The following FRMD5 variants were observed in gnomAD, a reference collection of about 807,000 sequenced individuals.
FRMD5 encodes FERM domain containing 5, also known as FERM domain-containing protein 5.
In FRMD5, 20 loss-of-function variants were observed where a neutral mutation model predicts 69.0. The ratio of observed to expected loss-of-function variants is 0.29; its 90% CI spans 0.20 to 0.42. FRMD5 has a LOEUF of 0.42. Ranked by LOEUF, FRMD5 falls within the 10% of genes least tolerant of loss-of-function variation. The pLI, the probability that FRMD5 is intolerant of heterozygous loss-of-function variation, is 1.00. For missense variants in FRMD5, 595 were observed against 708.6 expected (o/e 0.84, Z 1.82); for synonymous variants, 271 against 260.1 (o/e 1.04, Z -0.40).
chr15:44,031,249 G>A (rs547161941), intron 1 of FRMD5, among the ~76,000 whole-genome samples: 4 of 152,102 alleles, frequency 2.6e-5, no homozygotes, highest in African/African-American at 9.6e-5. Context: ...CTCTTCCACA[G>A]GGGAGAAAAA....
chr15:43,903,662 A>C (rs536285968), intron 6 of FRMD5, among the ~76,000 whole-genome samples: 258 of 152,326 alleles, frequency 1.7e-3, no homozygotes, highest in African/African-American at 5.9e-3. Flanking sequence ...TGTGGCAAGC[A>C]AAGGGCTGGC....
chr15:44,005,041 T>C (rs1299835421), intron 1 of FRMD5, among the ~76,000 whole-genome samples: 1 of 152,034 alleles, frequency 6.6e-6, no homozygotes, highest in Non-Finnish European at 1.5e-5. Context: ...CAAAGCCAAA[T>C]CCAGAGCAAG....
chr15:44,144,557 G>A (rs1035871404), intron 1 of FRMD5, among the ~76,000 whole-genome samples: 2 of 152,136 alleles, frequency 1.3e-5, no homozygotes, highest in Admixed American at 1.3e-4. Context: ...GGTCCCCAAA[G>A]GATCCTAGAA....
chr15:43,919,887 A>C lies in FRMD5; in HGVS notation c.208-78T>G, dbSNP rs1009592076. Reference sequence around the variant, plus strand: ...ATAACTTGTTTTCTCCAACTTAAAAAACTAGACAGATTGTAGCCTAGGGTG... The same window carrying C: ...ATAACTTGTTTTCTCCAACTTAAAACACTAGACAGATTGTAGCCTAGGGTG... On this transcript the variant is annotated intron_variant, in intron 2 of 13. Transcript: ENST00000417257. The C allele has an allele frequency of 6.8e-6, 9 of 1,320,866 alleles. No homozygotes were observed. In the East Asian group the frequency reaches 6.9e-5, roughly 10 times the overall value. The allele number at this position is 1,320,866 out of a possible 1,614,324, so 81.8% of individuals were successfully genotyped here.
At chr15:44,124,501 C>T (rs923125306) in intron 1 of FRMD5, among the ~76,000 whole-genome samples, 1 of 151,658 alleles carries the variant, frequency 6.6e-6, no homozygotes, top group African/African-American at 2.4e-5. Flanking sequence ...AGATCAAAAC[C>T]ATCCTGGCTA....
At chr15:44,006,992 A>G (rs1289209050) in intron 1 of FRMD5, among the ~76,000 whole-genome samples, 1 of 152,254 alleles carries the variant, frequency 6.6e-6, no homozygotes, top group Non-Finnish European at 1.5e-5. Context: ...GAAATCTTTC[A>G]TAAAAGGAAG....
chr15:44,151,220 AC>A (rs924014597), intron 1 of FRMD5, among the ~76,000 whole-genome samples: 17 of 151,352 alleles, frequency 1.1e-4, no homozygotes, highest in African/African-American at 3.6e-4. Context: ...CCATGATGAA[AC>A]CCCGTCTCTA....
chr15:43,926,252 T>G (rs886194104), intron 1 of FRMD5, among the ~76,000 whole-genome samples: 12 of 152,176 alleles, frequency 7.9e-5, no homozygotes, highest in Non-Finnish European at 1.6e-4. Context: ...TGTCAAAACA[T>G]CTGGAGCCTG....
chr15:44,079,811 G>T (rs141678708), intron 1 of FRMD5, among the ~76,000 whole-genome samples: 212 of 152,158 alleles, frequency 1.4e-3, no homozygotes, highest in Non-Finnish European at 2.4e-3. Context: ...TCTTAAAAAG[G>T]AAGGCAATTC....
At chr15:44,144,828 GAGA>G (rs1279509586) in intron 1 of FRMD5, among the ~76,000 whole-genome samples, 2 of 152,318 alleles carry the variant, frequency 1.3e-5, no homozygotes, top group East Asian at 1.9e-4. Flanking sequence ...TTTAAAATGT[GAGA>G]AGATTGAGGA....
chr15:44,055,308 C>A (rs1892828074), intron 1 of FRMD5, among the ~76,000 whole-genome samples: 1 of 152,090 alleles, frequency 6.6e-6, no homozygotes, highest in South Asian at 2.1e-4. Flanking sequence ...ACTGTAGAAG[C>A]ATCAAACACA....
At position 43,872,880 on chromosome 15, in the gene FRMD5, A is replaced by AAAT. The variant is rs1240526419; in HGVS notation, c.*1002_*1004dup. ...TTAAGAAAATAACATTTCGTTGTTA[A>AAAT]AATATAAATTGAAATAGTCTTTGGG... On this transcript the variant is annotated 3_prime_UTR_variant, in exon 14 of 14. Coordinates refer to ENST00000417257, the MANE Select transcript of FRMD5 (RefSeq NM_032892.5). The AAAT allele has an allele frequency of 2.9e-6, 1 of 342,078 alleles. No individual in the cohort carries two copies. Among genetic ancestry groups the AAAT allele is most frequent in the Admixed American group, 4.5e-5 (1 of 22,112 alleles). The allele number at this position is 342,078 out of a possible 1,614,324, so 21.2% of individuals were successfully genotyped here.
At chr15:44,186,513 G>C (rs750150673) in intron 1 of FRMD5, among the ~76,000 whole-genome samples, 1 of 152,312 alleles carries the variant, frequency 6.6e-6, no homozygotes, top group South Asian at 2.1e-4. Flanking sequence ...TAATGATTTG[G>C]CTTTTTCCTG....
intron 8 of FRMD5, among the ~76,000 whole-genome samples, 178 bp from the exon 9 acceptor site, chr15:43,889,050 A>G (rs2088733236): frequency 6.6e-6 from 1 of 152,246 alleles, no homozygotes. Flanking sequence ...TTGTTGAAAC[A>G]GTTCAATCCA....
intron 5 of FRMD5, among the ~76,000 whole-genome samples, chr15:43,906,877 AG>A (rs1489688095): frequency 2.0e-5 from 3 of 152,122 alleles, no homozygotes; most frequent in African/African-American, 7.3e-5. Flanking sequence ...CTGGGATTAC[AG>A]GCGTGAGCCA....
Position 43,872,646 on chromosome 15 carries a change from G to A in FRMD5, c.*1239C>T, listed in dbSNP as rs2088191156. 1 of 153,530 alleles carries A rather than the reference G, an allele frequency of 6.5e-6. No individual in the cohort carries two copies. Among genetic ancestry groups the A allele is most frequent in the African/African-American group, 2.4e-5 (1 of 41,414 alleles). The allele number at this position is 153,530 out of a possible 1,614,324, so 9.5% of individuals were successfully genotyped here. On this transcript the variant is annotated 3_prime_UTR_variant, in exon 14 of 14. Transcript: ENST00000417257. ...GGCAGCATTTCTACATCTAAGTGTT[G>A]GTCTCTGCCACGGTCACATTCTGTG...
chr15:43,971,777 G>A (rs888217650), intron 1 of FRMD5, among the ~76,000 whole-genome samples: 59 of 151,268 alleles, frequency 3.9e-4, no homozygotes, highest in African/African-American at 1.4e-3. Context: ...TGCAACCTCA[G>A]CTCACTGCAA....
Position 43,901,966 on chromosome 15 carries a change from C to T in FRMD5, c.639+209G>A, listed in dbSNP as rs1017244765. 9 of 540,172 alleles carry T rather than the reference C, an allele frequency of 1.7e-5. No individual in the cohort carries two copies. In the East Asian group the frequency reaches 1.9e-4, roughly 11 times the overall value. The allele number at this position is 540,172 out of a possible 1,614,324, so 33.5% of individuals were successfully genotyped here. ...TTTGTTATTTAGATTGACTTTGCCT[C>T]GGTTCCTCTGACATTGATGTGGCAC... On this transcript the variant is annotated intron_variant, in intron 7 of 13. Coordinates refer to ENST00000417257, the MANE Select transcript of FRMD5 (RefSeq NM_032892.5).
chr15:43,951,961 A>ATGTGTG (rs141804253), intron 1 of FRMD5, among the ~76,000 whole-genome samples: 1 of 111,686 alleles, frequency 9.0e-6, no homozygotes, highest in Non-Finnish European at 1.7e-5. Flanking sequence ...CTGTATGTGC[A>ATGTGTG]TGTGTGTGTG....
Sources: allele counts gnomAD v4.1 joint callset (sites outside exome capture counted in the v4.1 genomes callset), GRCh38; gene constraint gnomAD v4.1.1; transcripts MANE v1.5; gene names NCBI Gene and HGNC (gene_info 2026-07-23, HGNC 2026-07-21).